FGF13: variants seen among roughly 807,000 people sequenced by gnomAD.
FGF13 encodes the protein fibroblast growth factor homologous factor 2.
FGF13 carries 2 observed loss-of-function variants against 19.5 expected under a neutral mutation model. The ratio of observed to expected loss-of-function variants is 0.10; its 90% CI spans 0.04 to 0.32. FGF13 has a LOEUF of 0.32. FGF13 is among the 10% of genes least tolerant of loss of function. The pLI is 1.00. For missense variants in FGF13, 113 were observed against 192.7 expected (o/e 0.59, Z 2.45); for synonymous variants, 72 against 76.9 (o/e 0.94, Z 0.33).
intron 3 of FGF13, among the ~76,000 whole-genome samples, chrX:138,752,050 T>C (rs1011312220): frequency 8.9e-6 from 1 of 111,932 alleles, no homozygotes; most frequent in African/African-American, 3.3e-5. Context: ...CAAATGTTAT[T>C]AATTGAGCAC....
intron 1 of FGF13, among the ~76,000 whole-genome samples, chrX:139,017,777 C>G (rs1472564073): frequency 9.0e-6 from 1 of 111,272 alleles, no homozygotes; most frequent in African/African-American, 3.3e-5. Flanking sequence ...GGAGCAACTT[C>G]TTACAAAATT....
At chrX:139,144,082 T>A (rs1221412693) in intron 1 of FGF13, among the ~76,000 whole-genome samples, 1 of 111,042 alleles carries the variant, frequency 9.0e-6, no homozygotes, top group Non-Finnish European at 1.9e-5. Flanking sequence ...GGTGCAGCAC[T>A]CCCCTCCTTC....
At chrX:138,876,778 A>C (rs1213862310) in intron 1 of FGF13, among the ~76,000 whole-genome samples, 1 of 112,298 alleles carries the variant, frequency 8.9e-6, no homozygotes, top group Non-Finnish European at 1.9e-5. Context: ...TTGAGTGTTA[A>C]GTTTGAAGAA....
chrX:138,836,534 A>G (rs1025108657), intron 3 of FGF13, among the ~76,000 whole-genome samples: 17 of 111,762 alleles, frequency 1.5e-4, no homozygotes, highest in Non-Finnish European at 3.0e-4. Flanking sequence ...TTTCAGCTCT[A>G]TCAGGTTGGT....
intron 1 of FGF13, among the ~76,000 whole-genome samples, chrX:139,030,485 T>C (rs2092222364): frequency 9.0e-6 from 1 of 111,718 alleles, no homozygotes; most frequent in Admixed American, 9.5e-5. Context: ...CACCCAGAAC[T>C]AGTAATTCAA....
intron 3 of FGF13, among the ~76,000 whole-genome samples, chrX:138,805,455 A>G (rs2090859087): frequency 9.0e-6 from 1 of 111,591 alleles, no homozygotes; most frequent in African/African-American, 3.2e-5. Context: ...AATTGCCTGC[A>G]TGGATTGTAT....
intron 1 of FGF13, among the ~76,000 whole-genome samples, chrX:139,072,276 T>TCTACACACACAC (rs762528325): frequency 8.1e-5 from 8 of 99,076 alleles, no homozygotes; most frequent in African/African-American, 3.0e-4. Context: ...TCTCTCTCTC[T>TCTACACACACAC]ACACACACAC....
At chrX:139,099,374 T>G (rs2083491766) in intron 1 of FGF13, among the ~76,000 whole-genome samples, 1 of 60,150 alleles carries the variant, frequency 1.7e-5, no homozygotes, top group Admixed American at 2.3e-4. Flanking sequence ...GAGGTTTCTA[T>G]CTCAAAAAAA....
chrX:139,054,268 A>G (rs1464455538), intron 1 of FGF13, among the ~76,000 whole-genome samples: 6 of 107,499 alleles, frequency 5.6e-5, no homozygotes, highest in African/African-American at 2.0e-4. Context: ...GACTACAGGC[A>G]CCCACCACCA....
chrX:139,096,812 A>T (rs539918684), intron 1 of FGF13, among the ~76,000 whole-genome samples: 2 of 112,039 alleles, frequency 1.8e-5, no homozygotes, highest in African/African-American at 3.2e-5. Context: ...TAGAAAAAAA[A>T]TTTTTTAATT....
At chrX:139,134,932 G>A (rs2083788378) in intron 1 of FGF13, among the ~76,000 whole-genome samples, 1 of 111,256 alleles carries the variant, frequency 9.0e-6, no homozygotes, top group African/African-American at 3.3e-5. Context: ...ACACGTGTAA[G>A]CCACTGCAAC....
At chrX:138,748,435 A>C (rs909528763) in intron 3 of FGF13, among the ~76,000 whole-genome samples, 1 of 111,381 alleles carries the variant, frequency 9.0e-6, no homozygotes, top group African/African-American at 3.3e-5. Context: ...GCTATATATG[A>C]GTATAGCAAG....
intron 1 of FGF13, among the ~76,000 whole-genome samples, chrX:139,194,424 A>G (rs1275231819): frequency 1.8e-5 from 2 of 112,517 alleles, no homozygotes; most frequent in African/African-American, 3.2e-5. Context: ...TCAATGTAAT[A>G]AAACATAAGC....
In FGF13 at chrX:138,623,883, G is replaced by A. The variant is rs1326098804; in HGVS notation, c.*8967C>T. On this transcript the variant is annotated 3_prime_UTR_variant, in exon 5 of 5. Coordinates refer to ENST00000315930, the MANE Select transcript of FGF13 (RefSeq NM_004114.5). ...TGTACTTAGGAATAAGTTTAACCAAGGAGGTGAAAAATCTGTACATTAAAA... is the reference window on the plus strand; with the variant it reads ...TGTACTTAGGAATAAGTTTAACCAAAGAGGTGAAAAATCTGTACATTAAAA... The A allele has an allele frequency of 4.5e-5, 5 of 111,794 alleles. No individual in the cohort carries two copies. The highest frequency in any genetic ancestry group is 7.5e-5 in the Non-Finnish European group (4 of 53,156). The allele number at this position is 111,794 out of a possible 1,213,427, so 9.2% of individuals were successfully genotyped here.
At chrX:138,648,441 T>C (rs1028015329) in intron 3 of FGF13, among the ~76,000 whole-genome samples, 3 of 111,116 alleles carry the variant, frequency 2.7e-5, no homozygotes, top group African/African-American at 6.6e-5. Flanking sequence ...TCAAGCCAGA[T>C]TGGAGAAATA....
intron 1 of FGF13, among the ~76,000 whole-genome samples, chrX:139,131,054 A>G (rs1012190636): frequency 9.0e-6 from 1 of 111,305 alleles, no homozygotes; most frequent in Non-Finnish European, 1.9e-5. Flanking sequence ...TTGGCCTATA[A>G]TTTTCTTTTT....
rs141921196 is a variant in FGF13, at chrX:138,753,826, G to C, written c.218-44898C>G. ...TTGACTTAATCAAAATTGATCTGATGCTAGGCTTCTAATGATGCTCTTTTG... is the reference window on the plus strand; with the variant it reads ...TTGACTTAATCAAAATTGATCTGATCCTAGGCTTCTAATGATGCTCTTTTG... On this transcript the variant is annotated intron_variant, in intron 3 of 6. Transcript: ENST00000436198. Among the ~76,000 whole-genome samples the C allele has an allele frequency of 6.5e-3, 726 of 112,245 alleles. 3 individuals are homozygous for C. Among genetic ancestry groups the C allele is most frequent in the Non-Finnish European group, 9.1e-3 (483 of 53,258 alleles).
At chrX:138,813,372 G>T (rs1052022462) in intron 3 of FGF13, among the ~76,000 whole-genome samples, 1 of 111,434 alleles carries the variant, frequency 9.0e-6, no homozygotes, top group African/African-American at 3.3e-5. Context: ...TGCTTTTGTT[G>T]TTGCTCTATG....
intron 1 of FGF13, among the ~76,000 whole-genome samples, chrX:138,910,189 G>A (rs1480805334): frequency 9.0e-6 from 1 of 110,793 alleles, no homozygotes; most frequent in African/African-American, 3.3e-5. Context: ...CAAGGTTAAG[G>A]AGTCCACCTC....
Sources: allele counts gnomAD v4.1 joint callset (sites outside exome capture counted in the v4.1 genomes callset), GRCh38; gene constraint gnomAD v4.1.1; transcripts MANE v1.5; gene names NCBI Gene and HGNC (gene_info 2026-07-23, HGNC 2026-07-21).